ZNF106: variants seen among roughly 807,000 people sequenced by gnomAD.
ZNF106 encodes SH3-domain binding protein 3.
Under a neutral mutation model 195.1 loss-of-function variants are expected in ZNF106, and 67 were observed. The observed-to-expected ratio is 0.34, with a 90% CI of 0.28 to 0.42. ZNF106 has a LOEUF of 0.42. Among genes scored for constraint, ZNF106 ranks in the 10% least tolerant of loss-of-function variants. The pLI is 1.00. For missense variants in ZNF106, 2,118 were observed against 2,304.5 expected (o/e 0.92, Z 1.66); for synonymous variants, 784 against 818.6 (o/e 0.96, Z 0.72).
At chr15:42,480,624 T>C (rs2056879227) in intron 1 of ZNF106, among the ~76,000 whole-genome samples, 1 of 152,236 alleles carries the variant, frequency 6.6e-6, no homozygotes, top group Non-Finnish European at 1.5e-5. Context: ...TGATTATATT[T>C]TCCCCCCAGT....
chr15:42,468,076 T>C (rs994838123), intron 2 of ZNF106, among the ~76,000 whole-genome samples: 15 of 124,374 alleles, frequency 1.2e-4, no homozygotes, highest in Non-Finnish European at 3.1e-5. Context: ...GCCTTTTTTT[T>C]TTTTTTTTTT....
intron 3 of ZNF106, among the ~76,000 whole-genome samples, chr15:42,463,920 A>G (rs916793448): frequency 1.3e-5 from 2 of 152,232 alleles, no homozygotes; most frequent in African/African-American, 4.8e-5. Context: ...GGGGGCAGGG[A>G]AAAATTCCAC....
chr15:42,444,785 C>T (rs372464548), intron 8 of ZNF106, 42 bp downstream of exon 8: 77 of 1,605,866 alleles, frequency 4.8e-5, no homozygotes, highest in Admixed American at 1.5e-4. Flanking sequence ...AACAAGATTT[C>T]GGAGATGATC....
intron 14 of ZNF106, among the ~76,000 whole-genome samples, chr15:42,434,804 G>A (rs144590316): frequency 0.013 from 1,781 of 133,366 alleles, 17 homozygotes; most frequent in Non-Finnish European, 0.021. Context: ...ACGGAGCTTC[G>A]CTCTTGTTGC....
At chr15:42,490,574 G>C (rs2057132869) in intron 1 of ZNF106, among the ~76,000 whole-genome samples, 2 of 152,204 alleles carry the variant, frequency 1.3e-5, no homozygotes, top group African/African-American at 2.4e-5. Flanking sequence ...GAAACGAAAG[G>C]AGGAAAAAGA....
chr15:42,418,096 C>A, intron 20 of ZNF106, 145 bp from the exon 21 acceptor site: 1 of 928,928 alleles, frequency 1.1e-6, no homozygotes, highest in African/African-American at 1.7e-5. Context: ...GAAAAGACAA[C>A]AAAGCCAAGG....
At position 42,415,739 on chromosome 15, in the gene ZNF106, GTTTT is replaced by G. The variant is rs577185237; in HGVS notation, c.*1561_*1564del. 28,672 of 149,860 alleles carry G rather than the reference GTTTT, an allele frequency of 0.19. 4,005 individuals carry two copies. Among genetic ancestry groups the G allele is most frequent in the African/African-American group, 0.42 (16,157 of 38,674 alleles). 9.3% of individuals were successfully genotyped at this position (149,860 alleles called of 1,614,324 possible). A position where few individuals can be genotyped will look rare whatever the true frequency, so the allele number is the denominator to read the frequency against. ...AATTTTATCTCTCTGAAGAAGCTGA[GTTTT>G]TTTTTTTTTTTTTGAGACGGAGTCT... On this transcript the variant is annotated 3_prime_UTR_variant, in exon 22 of 22. Coordinates refer to ENST00000564754, the MANE Select transcript of ZNF106 (RefSeq NM_001366845.3).
rs1409669059 is a variant in ZNF106 at position 42,416,878 on chromosome 15, T to TAA, written c.*424_*425dup. 6.5e-6 allele frequency: 1 copy of TAA among 154,034 alleles called. No individual in the cohort carries two copies. The highest frequency in any genetic ancestry group is 1.4e-5 in the Non-Finnish European group (1 of 69,420). The allele number at this position is 154,034 out of a possible 1,614,324, so 9.5% of individuals were successfully genotyped here. A position where few individuals can be genotyped will look rare whatever the true frequency, so the allele number is the denominator to read the frequency against. ...AAACTGATCCTCAAAGTCTGGCACT[T>TAA]AAACAAACTTGTACTTAAAAGCCTG... On this transcript the variant is annotated 3_prime_UTR_variant, in exon 22 of 22. Transcript: ENST00000564754.
At chr15:42,462,702 G>C (rs1375929900) in intron 3 of ZNF106, among the ~76,000 whole-genome samples, 1 of 152,208 alleles carries the variant, frequency 6.6e-6, no homozygotes, top group Non-Finnish European at 1.5e-5. Context: ...GGATTTAGAG[G>C]GGAAAGGGGG....
In ZNF106 at chr15:42,444,836, G is replaced by A; in HGVS notation, c.3351C>T (p.Leu1117=). ...AYVEVQRLLM[L]KQQITMEMSA... Reference sequence around the variant, plus strand: ...CTCCACATGCTGTTACCTGCTGCTTGAGCATAAGTAGCCTCTGAACTTCCA... The same window carrying A: ...CTCCACATGCTGTTACCTGCTGCTTAAGCATAAGTAGCCTCTGAACTTCCA... The change falls in exon 8 of 22, where the codon CTC becomes CTT. Residue 1117 remains leucine (L), a synonymous_variant. Transcript: ENST00000564754. 6.2e-7 allele frequency: 1 copy of A among 1,613,342 alleles called. No homozygotes were observed. Among genetic ancestry groups the A allele is most frequent in the Non-Finnish European group, 8.5e-7 (1 of 1,179,830 alleles).
At chr15:42,445,084 T>A in intron 7 of ZNF106, 103 bp from the exon 8 acceptor site, 1 of 1,354,622 alleles carries the variant, frequency 7.4e-7, no homozygotes, top group Admixed American at 2.3e-5. Context: ...TAAGACTTTA[T>A]GTTCTCCTCA....
At position 42,444,279 on chromosome 15, in the gene ZNF106, T is replaced by G; in HGVS notation, c.3361-17A>C. The G allele has an allele frequency of 6.3e-7, 1 of 1,594,132 alleles. No individual in the cohort carries two copies. The highest frequency in any genetic ancestry group is 8.6e-7 in the Non-Finnish European group (1 of 1,164,604). On this transcript the variant is annotated splice_polypyrimidine_tract_variant and intron_variant, in intron 8 of 21. Coordinates refer to ENST00000564754, the MANE Select transcript of ZNF106 (RefSeq NM_001366845.3). Reference sequence around the variant, plus strand: ...CATAGTTATCTAAAAATAAAGTATTTTATTAAGCATTTTGAAATCCAACTT... The same window carrying G: ...CATAGTTATCTAAAAATAAAGTATTGTATTAAGCATTTTGAAATCCAACTT...
rs776932761 is a variant in ZNF106, at chr15:42,450,814, C to T, written c.1458G>A (p.Leu486=). The change falls in exon 5 of 22, where the codon TTG becomes TTA. Residue 486 remains leucine, a synonymous_variant. Coordinates refer to ENST00000564754, the MANE Select transcript of ZNF106 (RefSeq NM_001366845.3). ...TATTCTTTGGATCTTGCTTTTGAGACAATGATTTAGTGGCTGGACATGGAA... is the reference window on the plus strand; with the variant it reads ...TATTCTTTGGATCTTGCTTTTGAGATAATGATTTAGTGGCTGGACATGGAA... ...PLLPCPATKS[L]SQKQDPKNIS... 1.9e-6 allele frequency: 3 copies of T among 1,614,098 alleles called. No individual in the cohort carries two copies.
chr15:42,477,209 T>C (rs1400574075), intron 1 of ZNF106, among the ~76,000 whole-genome samples: 1 of 152,218 alleles, frequency 6.6e-6, no homozygotes. Context: ...TTAACATACA[T>C]TGGGTTTATT....
At chr15:42,460,680 G>A (rs2141389032) in intron 3 of ZNF106, among the ~76,000 whole-genome samples, 1 of 152,240 alleles carries the variant, frequency 6.6e-6, no homozygotes, top group Non-Finnish European at 1.5e-5. Flanking sequence ...GACCAACACG[G>A]AGAAACCCCG....
At chr15:42,422,046 A>T in intron 18 of ZNF106, 58 bp from the exon 19 acceptor site, 1 of 1,482,604 alleles carries the variant, frequency 6.7e-7, no homozygotes, top group Non-Finnish European at 9.1e-7. Flanking sequence ...TTTAATAAGT[A>T]CAGTCCCTAA....
intron 10 of ZNF106, among the ~76,000 whole-genome samples, chr15:42,441,410 A>G (rs1468487166): frequency 6.6e-6 from 1 of 152,168 alleles, no homozygotes; most frequent in African/African-American, 2.4e-5. Flanking sequence ...TACTGGTAGT[A>G]AAATCTAGAG....
intron 21 of ZNF106, 127 bp from the exon 22 acceptor site, chr15:42,417,487 A>T: frequency 9.2e-7 from 1 of 1,091,000 alleles, no homozygotes. Context: ...GTTAGGAGCC[A>T]GCACTTTGCT....
chr15:42,414,010 G>T lies in ZNF106; in HGVS notation c.*3294C>A, dbSNP rs2054357934. On this transcript the variant is annotated 3_prime_UTR_variant, in exon 22 of 22. Transcript: ENST00000564754. Reference sequence around the variant, plus strand: ...AAACACTAGCATAGGTACACAAAAAGATTTATACTATGGTTTTCTTGGCTT... The same window carrying T: ...AAACACTAGCATAGGTACACAAAAATATTTATACTATGGTTTTCTTGGCTT... 1.3e-5 allele frequency: 2 copies of T among 152,192 alleles called. No homozygotes were observed. Among genetic ancestry groups the T allele is most frequent in the African/African-American group, 4.8e-5 (2 of 41,436 alleles). 9.4% of individuals were successfully genotyped at this position (152,192 alleles called of 1,614,324 possible).
Sources: allele counts gnomAD v4.1 joint callset (sites outside exome capture counted in the v4.1 genomes callset), GRCh38; gene constraint gnomAD v4.1.1; transcripts MANE v1.5; gene names NCBI Gene and HGNC (gene_info 2026-07-23, HGNC 2026-07-21).